The following KCNH8 variants were observed in gnomAD, a reference collection of about 807,000 sequenced individuals.
KCNH8 encodes the protein potassium voltage-gated channel subfamily H member 8, also known as voltage-gated delayed rectifier potassium channel KCNH8.
KCNH8 carries 70 observed loss-of-function variants against 103.6 expected under a neutral mutation model. The observed-to-expected ratio is 0.68, with a 90% CI of 0.56 to 0.82. The LOEUF (loss-of-function observed/expected upper bound fraction) is 0.82. Among genes scored for constraint, KCNH8 ranks in the 40% least tolerant of loss-of-function variants. KCNH8 has a pLI of 0.00. For missense variants in KCNH8, 1,217 were observed against 1,329.9 expected (o/e 0.92, Z 1.32); for synonymous variants, 498 against 489.4 (o/e 1.02, Z -0.23).
At chr3:19,528,181 C>T (rs2069098472) in intron 15 of KCNH8, among the ~76,000 whole-genome samples, 1 of 151,948 alleles carries the variant, frequency 6.6e-6, no homozygotes, top group Non-Finnish European at 1.5e-5. Context: ...GTTATGTTTC[C>T]TTTATGCACT....
chr3:19,151,811 A>AT (rs1043602515), intron 1 of KCNH8, among the ~76,000 whole-genome samples: 1 of 151,872 alleles, frequency 6.6e-6, no homozygotes, highest in Admixed American at 6.6e-5. Flanking sequence ...AATTGAGGCT[A>AT]TTTTTTTCTG....
At chr3:19,189,011 C>A (rs1413738209) in intron 1 of KCNH8, among the ~76,000 whole-genome samples, 1 of 151,830 alleles carries the variant, frequency 6.6e-6, no homozygotes, top group East Asian at 1.9e-4. Context: ...TAGCCGTAAC[C>A]CATATATATA....
intron 2 of KCNH8, among the ~76,000 whole-genome samples, chr3:19,273,432 G>A (rs1457476052): frequency 6.6e-6 from 1 of 152,160 alleles, no homozygotes; most frequent in Non-Finnish European, 1.5e-5. Context: ...TCCATCACAT[G>A]TGGCCTTCTT....
intron 2 of KCNH8, among the ~76,000 whole-genome samples, chr3:19,270,570 A>G (rs549697975): frequency 6.6e-6 from 1 of 152,238 alleles, no homozygotes; most frequent in Non-Finnish European, 1.5e-5. Context: ...CCTGGACACC[A>G]GGTTTTGGCC....
chr3:19,222,403 C>A (rs145997267), intron 1 of KCNH8, among the ~76,000 whole-genome samples: 1 of 152,108 alleles, frequency 6.6e-6, no homozygotes, highest in East Asian at 1.9e-4. Flanking sequence ...TTTTGGATAG[C>A]CACAATATTC....
At chr3:19,153,871 A>T (rs929895013) in intron 1 of KCNH8, among the ~76,000 whole-genome samples, 4 of 151,672 alleles carry the variant, frequency 2.6e-5, no homozygotes, top group Admixed American at 2.6e-4. Context: ...TGACCTCGTG[A>T]TCCACCCACC....
At chr3:19,342,465 G>T (rs1466418255) in intron 3 of KCNH8, 122 bp from the exon 4 acceptor site, 2 of 812,136 alleles carry the variant, frequency 2.5e-6, no homozygotes, top group East Asian at 6.8e-5. Context: ...TTAGGATCCA[G>T]CAGATTATTG....
intron 11 of KCNH8, among the ~76,000 whole-genome samples, chr3:19,486,588 TTTC>T (rs1336824285): frequency 2.6e-5 from 4 of 152,194 alleles, no homozygotes; most frequent in African/African-American, 4.8e-5. Flanking sequence ...TGCCATTTTT[TTTC>T]TTTTTGACAC....
intron 1 of KCNH8, among the ~76,000 whole-genome samples, chr3:19,250,413 G>A (rs2064262001): frequency 6.6e-6 from 1 of 151,032 alleles, no homozygotes; most frequent in African/African-American, 2.5e-5. Flanking sequence ...AATAAAACTT[G>A]ATATATGCCA....
At chr3:19,467,265 G>T (rs1021830453) in intron 11 of KCNH8, among the ~76,000 whole-genome samples, 1 of 151,332 alleles carries the variant, frequency 6.6e-6, no homozygotes, top group African/African-American at 2.4e-5. Flanking sequence ...AAATATAGTG[G>T]CCCTTGTCTC....
At chr3:19,375,841 G>C (rs866237008) in intron 5 of KCNH8, among the ~76,000 whole-genome samples, 2 of 152,142 alleles carry the variant, frequency 1.3e-5, no homozygotes, top group Non-Finnish European at 2.9e-5. Flanking sequence ...GCCCTCAGCT[G>C]CAGGTCTGTT....
At chr3:19,449,817 C>T (rs1442397904) in intron 8 of KCNH8, among the ~76,000 whole-genome samples, 1 of 151,954 alleles carries the variant, frequency 6.6e-6, no homozygotes, top group East Asian at 1.9e-4. Context: ...ACCAGAATGG[C>T]AGCTAGCAGG....
intron 3 of KCNH8, among the ~76,000 whole-genome samples, chr3:19,309,343 A>G (rs935729709): frequency 4.6e-5 from 7 of 151,976 alleles, no homozygotes; most frequent in Non-Finnish European, 1.0e-4. Context: ...CTGAATATCA[A>G]ACTTGACTCT....
chr3:19,410,398 T>A (rs762311281), intron 7 of KCNH8, among the ~76,000 whole-genome samples: 4 of 152,040 alleles, frequency 2.6e-5, no homozygotes, highest in South Asian at 2.1e-4. Flanking sequence ...AAAGCAGTGT[T>A]AAGAGGAAAG....
At chr3:19,403,894 T>G (rs2066653663) in intron 7 of KCNH8, among the ~76,000 whole-genome samples, 1 of 151,862 alleles carries the variant, frequency 6.6e-6, no homozygotes, top group Non-Finnish European at 1.5e-5. Context: ...TATATTTTAT[T>G]GAAACCTGTG....
In KCNH8 at chr3:19,395,225, C is replaced by T; in HGVS notation, c.1091C>T (p.Ala364Val). The T allele has an allele frequency of 1.2e-6, 2 of 1,608,496 alleles. No individual in the cohort carries two copies. Among genetic ancestry groups the T allele is most frequent in the Non-Finnish European group, 1.7e-6 (2 of 1,177,684 alleles). ...CTGACTCTGCTCATGTCCATGTTTGCACTCCTTGCACACTGGATGGCGTGT... is the reference window on the plus strand; with the variant it reads ...CTGACTCTGCTCATGTCCATGTTTGTACTCCTTGCACACTGGATGGCGTGT... ...IVLTLLMSMFALLAHWMACIW... is the reference protein window; with the variant it reads ...IVLTLLMSMFVLLAHWMACIW... The change falls in exon 7 of 16, where the codon GCA (alanine) becomes GTA (valine). Residue 364 changes from alanine to valine, a missense_variant. Transcript: ENST00000328405.
chr3:19,501,197 G>A lies in KCNH8; in HGVS notation c.2041-9166G>A, dbSNP rs374471981. Among the ~76,000 whole-genome samples the A allele has an allele frequency of 2.0e-3, 312 of 152,220 alleles. 3 individuals are homozygous for A. Among genetic ancestry groups the A allele is most frequent in the South Asian group, 0.016 (77 of 4,816 alleles). ...TCTAGAAAAAATGGATAAATTCCTC[G>A]ACACATACACTCTCCCAAGACTAAA... is the stretch of plus-strand genomic sequence containing the variant. On this transcript the variant is annotated intron_variant, in intron 11 of 15. Transcript: ENST00000328405.
chr3:19,246,372 G>A (rs1314502355), intron 1 of KCNH8, among the ~76,000 whole-genome samples: 1 of 149,056 alleles, frequency 6.7e-6, no homozygotes, highest in Non-Finnish European at 1.5e-5. Context: ...TGCCTCCCAG[G>A]TTCAAGCGAT....
chr3:19,220,985 G>C (rs1308380140), intron 1 of KCNH8, among the ~76,000 whole-genome samples: 1 of 152,042 alleles, frequency 6.6e-6, no homozygotes, highest in Non-Finnish European at 1.5e-5. Context: ...ATTTTTGTTT[G>C]TAAAATTTTC....
Sources: gnomAD v4.1 joint callset for allele counts (sites outside exome capture counted in the v4.1 genomes callset) on GRCh38, gnomAD v4.1.1 for gene constraint, MANE v1.5 for transcripts, NCBI Gene and HGNC (gene_info 2026-07-23, HGNC 2026-07-21) for gene names.